Variants in LAMA2 observed in about 807,000 individuals in gnomAD.
The protein encoded by LAMA2 is laminin subunit alpha 2, also known as laminin subunit alpha-2.
A neutral mutation model predicts 364.8 loss-of-function variants in LAMA2; 269 were observed. The observed-to-expected ratio is 0.74, with a 90% CI of 0.67 to 0.82. The LOEUF is 0.82. Among genes scored for constraint, LAMA2 ranks in the 40% least tolerant of loss-of-function variants. The pLI, the probability that LAMA2 is intolerant of heterozygous loss-of-function variation, is 0.00. For missense variants in LAMA2, 3,807 were observed against 3,873.2 expected (o/e 0.98, Z 0.45); for synonymous variants, 1,379 against 1,370.6 (o/e 1.01, Z -0.14).
chr6:129,293,429 A>G lies in LAMA2; in HGVS notation c.2856+1709A>G, dbSNP rs191868943. Among the ~76,000 whole-genome samples, 4 of 152,300 alleles carry G rather than the reference A, an allele frequency of 2.6e-5. No homozygotes were observed. The East Asian group carries it at 7.7e-4, about 29-fold the overall frequency. On this transcript the variant is annotated intron_variant, in intron 20 of 64. Coordinates refer to ENST00000421865, the MANE Select transcript of LAMA2 (RefSeq NM_000426.4). Reference sequence around the variant, plus strand: ...TTAATAAATGAACAAATGAAGGAAAATCTAGCAGAGAAATTGATTTGTCCA... The same window carrying G: ...TTAATAAATGAACAAATGAAGGAAAGTCTAGCAGAGAAATTGATTTGTCCA...
chr6:129,015,255 A>G (rs1785000566), intron 1 of LAMA2, among the ~76,000 whole-genome samples: 2 of 152,080 alleles, frequency 1.3e-5, no homozygotes, highest in South Asian at 4.1e-4. Context: ...GCTGATCAAG[A>G]TATCAATGTC....
At chr6:129,065,367 C>T (rs1789223527) in intron 3 of LAMA2, among the ~76,000 whole-genome samples, 1 of 152,038 alleles carries the variant, frequency 6.6e-6, no homozygotes, top group African/African-American at 2.4e-5. Flanking sequence ...TACCCACTTG[C>T]ACCACTTCTA....
intron 62 of LAMA2, among the ~76,000 whole-genome samples, chr6:129,509,044 T>G (rs1786347467): frequency 1.3e-5 from 2 of 152,240 alleles, no homozygotes; most frequent in Non-Finnish European, 2.9e-5. Flanking sequence ...TAAAAGCCAT[T>G]TTAACTTGGG....
In LAMA2 at chr6:129,291,700, C is replaced by T. The variant is rs375638381; in HGVS notation, c.2836C>T (p.Gln946Ter). 4 of 1,613,226 alleles carry T rather than the reference C, an allele frequency of 2.5e-6. No individual in the cohort carries two copies. The African/African-American group carries it at 4.0e-5, about 16-fold the overall frequency. The change falls in exon 20 of 65, where the codon CAG becomes TAG. Residue 946 changes from glutamine (Q) to a stop codon, truncating the protein, a stop_gained. Coordinates refer to ENST00000421865, the MANE Select transcript of LAMA2 (RefSeq NM_000426.4). LOFTEE classifies it high-confidence loss of function. ...QCECRANVQG[Q>*]RCDKCKAGTF... Reference sequence around the variant, plus strand: ...TGAGTGCAGAGCCAACGTTCAGGGTCAGAGATGTGACAAATGCAAGGTAAG... The same window carrying T: ...TGAGTGCAGAGCCAACGTTCAGGGTTAGAGATGTGACAAATGCAAGGTAAG...
chr6:129,022,762 T>C (rs7758064), intron 1 of LAMA2, among the ~76,000 whole-genome samples: 151,664 of 152,324 alleles, frequency 1, 75,505 homozygotes, highest in Middle Eastern at 1. Flanking sequence ...ACTTTCTATT[T>C]AAAGAGGACT....
rs192604759 is a variant in LAMA2 at position 128,995,959 on chromosome 6, T to C, written c.113-53959T>C. 1.0e-3 allele frequency among the ~76,000 whole-genome samples: 153 copies of C among 152,338 alleles called. 1 individual carries two copies. Among genetic ancestry groups the C allele is most frequent in the South Asian group, 3.5e-3 (17 of 4,826 alleles). On this transcript the variant is annotated intron_variant, in intron 1 of 64. Transcript: ENST00000421865. ...TCTCTTTTACTTCCTTTTTATTCTC[T>C]CTGATGATTTGTATATGAATTCATT...
chr6:129,260,574 G>T lies in LAMA2; in HGVS notation c.2097-137G>T, dbSNP rs940655938. Reference sequence around the variant, plus strand: ...ATATGACAAAGGACCAGAGCTTTTGGTTATGGTATTCATCAGCTTCCTTTC... The same window carrying T: ...ATATGACAAAGGACCAGAGCTTTTGTTTATGGTATTCATCAGCTTCCTTTC... On this transcript the variant is annotated intron_variant, in intron 14 of 64. Coordinates refer to ENST00000421865, the MANE Select transcript of LAMA2 (RefSeq NM_000426.4). The T allele has an allele frequency of 1.4e-5, 10 of 723,886 alleles. 1 individual carries two copies. In the Admixed American group the frequency reaches 1.6e-4, roughly 12 times the overall value. 44.8% of individuals were successfully genotyped at this position (723,886 alleles called of 1,614,324 possible). A position where few individuals can be genotyped will look rare whatever the true frequency, so the allele number is the denominator to read the frequency against.
chr6:128,934,285 G>T (rs1169492797), intron 1 of LAMA2, among the ~76,000 whole-genome samples: 6 of 151,900 alleles, frequency 3.9e-5, no homozygotes, highest in African/African-American at 1.2e-4. Flanking sequence ...CCGTTTCATT[G>T]GTCTATATGT....
intron 40 of LAMA2, among the ~76,000 whole-genome samples, chr6:129,408,805 C>A (rs1449891665): frequency 6.6e-6 from 1 of 152,152 alleles, no homozygotes; most frequent in Non-Finnish European, 1.5e-5. Context: ...TTCATGAGCC[C>A]ATTGAGCGAT....
At chr6:129,053,482 T>C (rs1024511517) in intron 2 of LAMA2, among the ~76,000 whole-genome samples, 7 of 152,046 alleles carry the variant, frequency 4.6e-5, no homozygotes, top group Non-Finnish European at 8.8e-5. Flanking sequence ...AAAGGACATA[T>C]GTCAGAGCCC....
At chr6:129,187,283 TATATATTA>T (rs1415639972) in intron 10 of LAMA2, among the ~76,000 whole-genome samples, 2 of 151,724 alleles carry the variant, frequency 1.3e-5, no homozygotes, top group Non-Finnish European at 3.0e-5. Context: ...GTCAAGATCA[TATATATTA>T]ACAAGCTAAT....
chr6:129,352,517 G>T (rs1445385155), intron 31 of LAMA2, among the ~76,000 whole-genome samples: 2 of 152,174 alleles, frequency 1.3e-5, no homozygotes, highest in Non-Finnish European at 1.5e-5. Flanking sequence ...GTAGCCTATT[G>T]CCACTTAACT....
chr6:129,165,846 A>G (rs1779714650), intron 9 of LAMA2, among the ~76,000 whole-genome samples, 171 bp downstream of exon 9: 1 of 152,228 alleles, frequency 6.6e-6, no homozygotes, highest in Non-Finnish European at 1.5e-5. Context: ...AACTCATCTC[A>G]ATAATTACTT....
rs148655840 is a variant in LAMA2, at chr6:129,147,042, G to T, written c.903G>T (p.Ala301=). The part of the protein sequence containing the change: ...GHARACPLDP[A]TNKSRCECEH... The stretch of plus-strand genomic sequence containing the variant: ...CCAGGGCTTGTCCACTTGATCCAGC[G>T]ACAAATGTATGTATATTTATAGGAT... Residue 301 remains alanine (A), a synonymous_variant, in exon 6 of 65, where the codon GCG becomes GCT. Coordinates refer to ENST00000421865, the MANE Select transcript of LAMA2 (RefSeq NM_000426.4). 1 of 1,596,546 alleles carries T rather than the reference G, an allele frequency of 6.3e-7. No individual in the cohort carries two copies. Among genetic ancestry groups the T allele is most frequent in the East Asian group, 2.2e-5 (1 of 44,770 alleles).
chr6:129,171,120 CTT>C (rs1780118783), intron 9 of LAMA2, among the ~76,000 whole-genome samples: 1 of 152,074 alleles, frequency 6.6e-6, no homozygotes, highest in African/African-American at 2.4e-5. Context: ...GGTCTTGACT[CTT>C]TATCCAATTT....
At chr6:129,324,440 C>T (rs575412409) in intron 28 of LAMA2, among the ~76,000 whole-genome samples, 1 of 152,322 alleles carries the variant, frequency 6.6e-6, no homozygotes, top group South Asian at 2.1e-4. Flanking sequence ...CATGATCACA[C>T]ACCTACACAG....
chr6:129,334,918 G>A (rs1378751452), intron 29 of LAMA2, among the ~76,000 whole-genome samples: 1 of 152,128 alleles, frequency 6.6e-6, no homozygotes, highest in Admixed American at 6.5e-5. Context: ...CTGGGAGACA[G>A]GATTTCAACA....
At chr6:129,088,937 C>T (rs925042130) in intron 3 of LAMA2, among the ~76,000 whole-genome samples, 17 of 152,218 alleles carry the variant, frequency 1.1e-4, no homozygotes, top group African/African-American at 3.9e-4. Context: ...GCTGCAAACT[C>T]GGCACTTTGG....
chr6:129,316,075 A>G lies in LAMA2; in HGVS notation c.3962A>G (p.His1321Arg), dbSNP rs1302230244. ...WKYYGDDPRV[H>R]RTVTREDFLD... Reference sequence around the variant, plus strand: ...TATTATGGGGATGATCCTCGAGTCCATAGAACTGTGACCCGAGAAGACTTC... The same window carrying G: ...TATTATGGGGATGATCCTCGAGTCCGTAGAACTGTGACCCGAGAAGACTTC... Residue 1321 changes from histidine (H) to arginine (R), a missense_variant, in exon 27 of 65, where the codon CAT becomes CGT. Physicochemically the swap from His to Arg is conservative, Grantham distance 29 (BLOSUM62 0). Transcript: ENST00000421865. 2 of 1,613,198 alleles carry G rather than the reference A, an allele frequency of 1.2e-6. No individual in the cohort carries two copies. Among genetic ancestry groups the G allele is most frequent in the South Asian group, 1.1e-5 (1 of 91,056 alleles).
Sources: gnomAD v4.1 joint callset for allele counts (sites outside exome capture counted in the v4.1 genomes callset) on GRCh38, gnomAD v4.1.1 for gene constraint, MANE v1.5 for transcripts, NCBI Gene and HGNC (gene_info 2026-07-23, HGNC 2026-07-21) for gene names.